The following B3GALT1 variants were observed in gnomAD, a reference collection of about 807,000 sequenced individuals.
The protein encoded by B3GALT1 is UDP-Gal:betaGlcNAc beta 1,3-galactosyltransferase, polypeptide 1.
A neutral mutation model predicts 23.2 loss-of-function variants in B3GALT1; 10 were observed. The ratio of observed to expected loss-of-function variants is 0.43; its 90% CI spans 0.27 to 0.73. The LOEUF is 0.73. Among genes scored for constraint, B3GALT1 ranks in the 30% least tolerant of loss-of-function variants. The pLI, the probability that B3GALT1 is intolerant of heterozygous loss-of-function variation, is 0.21. For missense variants in B3GALT1, 299 were observed against 405.4 expected (o/e 0.74, Z 2.25); for synonymous variants, 156 against 141.5 (o/e 1.10, Z -0.73).
chr2:167,448,048 A>G (rs984509579), intron 1 of B3GALT1, among the ~76,000 whole-genome samples: 6 of 152,108 alleles, frequency 3.9e-5, no homozygotes, highest in African/African-American at 1.2e-4. Context: ...AGCTGCTTCC[A>G]TGTTTTTGCA....
chr2:167,655,489 T>G (rs887544641), intron 3 of B3GALT1, among the ~76,000 whole-genome samples: 2 of 152,156 alleles, frequency 1.3e-5, no homozygotes, highest in Non-Finnish European at 2.9e-5. Context: ...ATCAACATCT[T>G]GTTACATGTA....
intron 1 of B3GALT1, among the ~76,000 whole-genome samples, chr2:167,363,552 G>T (rs1344870791): frequency 6.6e-6 from 1 of 152,000 alleles, no homozygotes; most frequent in Non-Finnish European, 1.5e-5. Flanking sequence ...ATTTCACAAG[G>T]AGTGGCTCAC....
At chr2:167,383,891 G>A (rs115089513) in intron 1 of B3GALT1, among the ~76,000 whole-genome samples, 1,615 of 152,212 alleles carry the variant, frequency 0.011, 29 homozygotes, top group African/African-American at 0.036. Context: ...TATGATTAAC[G>A]TTTTATATTT....
At chr2:167,506,116 A>G (rs954143003) in intron 2 of B3GALT1, among the ~76,000 whole-genome samples, 5 of 152,078 alleles carry the variant, frequency 3.3e-5, no homozygotes, top group Admixed American at 3.3e-4. Context: ...ACACAACTCT[A>G]TGATGTCTTT....
chr2:167,806,660 T>A (rs900333216), intron 3 of B3GALT1, among the ~76,000 whole-genome samples: 1 of 152,240 alleles, frequency 6.6e-6, no homozygotes, highest in Non-Finnish European at 1.5e-5. Context: ...ATCCCAGGGA[T>A]GAAACCCACT....
Position 167,478,734 on chromosome 2 carries a change from A to G in B3GALT1, c.-510-11443A>G, listed in dbSNP as rs561432242. The stretch of plus-strand genomic sequence containing the variant: ...GTCCCTCCTCCCCCCACCCCATGAT[A>G]GGCCCCGGTGTGTGATGTTCCCCAC... On this transcript the variant is annotated intron_variant, in intron 1 of 4. Transcript: ENST00000392690. 8.0e-5 allele frequency among the ~76,000 whole-genome samples: 12 copies of G among 149,942 alleles called. No homozygotes were observed. In the South Asian group the frequency reaches 2.5e-3, roughly 32 times the overall value.
At chr2:167,812,224 C>T (rs1301598185) in intron 3 of B3GALT1, among the ~76,000 whole-genome samples, 2 of 152,202 alleles carry the variant, frequency 1.3e-5, no homozygotes, top group African/African-American at 2.4e-5. Flanking sequence ...ACATTGTTTG[C>T]AAGATATGCT....
At chr2:167,619,109 G>A (rs1685213517) in intron 2 of B3GALT1, among the ~76,000 whole-genome samples, 2 of 151,436 alleles carry the variant, frequency 1.3e-5, no homozygotes, top group Non-Finnish European at 2.9e-5. Context: ...TTATTAGTTG[G>A]CATTCTTCCA....
At chr2:167,489,880 C>A (rs114386029) in intron 1 of B3GALT1, among the ~76,000 whole-genome samples, 1,766 of 152,104 alleles carry the variant, frequency 0.012, 34 homozygotes, top group African/African-American at 0.041. Context: ...GGAAAGTAAG[C>A]AAATAATTGT....
chr2:167,329,059 T>A, intron 1 of B3GALT1, among the ~76,000 whole-genome samples: 1 of 152,118 alleles, frequency 6.6e-6, no homozygotes, highest in East Asian at 1.9e-4. Flanking sequence ...GTGATCCACC[T>A]ACCTCGGCCT....
intron 3 of B3GALT1, among the ~76,000 whole-genome samples, chr2:167,666,397 G>C: frequency 6.6e-6 from 1 of 152,068 alleles, no homozygotes; most frequent in East Asian, 1.9e-4. Context: ...GAATAGGTGT[G>C]GTGTGGTGCT....
intron 1 of B3GALT1, among the ~76,000 whole-genome samples, chr2:167,346,536 T>G (rs1334925153): frequency 6.6e-6 from 1 of 152,132 alleles, no homozygotes; most frequent in Non-Finnish European, 1.5e-5. Context: ...AATGCAAAGT[T>G]AAGGAGATTT....
intron 2 of B3GALT1, among the ~76,000 whole-genome samples, chr2:167,561,578 AAG>A (rs1212262792): frequency 6.6e-6 from 1 of 152,184 alleles, no homozygotes; most frequent in Non-Finnish European, 1.5e-5. Context: ...TGAAGAAAAA[AAG>A]AGAGAAGAAT....
intron 2 of B3GALT1, among the ~76,000 whole-genome samples, chr2:167,512,334 T>C (rs1700017865): frequency 6.6e-6 from 1 of 151,402 alleles, no homozygotes; most frequent in Non-Finnish European, 1.5e-5. Context: ...AATTCTTATA[T>C]GTCTATTGAG....
intron 3 of B3GALT1, among the ~76,000 whole-genome samples, chr2:167,698,319 T>C (rs1450742082): frequency 6.6e-6 from 1 of 152,212 alleles, no homozygotes; most frequent in South Asian, 2.1e-4. Context: ...ATAAACTTAG[T>C]GAGGAAAAGA....
At chr2:167,429,661 TG>T (rs1269497306) in intron 1 of B3GALT1, among the ~76,000 whole-genome samples, 1 of 152,196 alleles carries the variant, frequency 6.6e-6, no homozygotes, top group African/African-American at 2.4e-5. Context: ...GCAAAGGCTT[TG>T]AGGATGAAGA....
At chr2:167,564,961 C>A (rs1684126923) in intron 2 of B3GALT1, among the ~76,000 whole-genome samples, 1 of 152,162 alleles carries the variant, frequency 6.6e-6, no homozygotes, top group South Asian at 2.1e-4. Flanking sequence ...CATGCCATCC[C>A]TATCAAGCTA....
chr2:167,562,921 C>A (rs1253874773), intron 2 of B3GALT1, among the ~76,000 whole-genome samples: 1 of 152,098 alleles, frequency 6.6e-6, no homozygotes, highest in African/African-American at 2.4e-5. Context: ...ATCCATTCAA[C>A]CCTGAGTGGA....
intron 3 of B3GALT1, chr2:167,715,450 C>CG: frequency 6.2e-7 from 1 of 1,606,650 alleles, no homozygotes; most frequent in African/African-American, 1.3e-5. Flanking sequence ...TTATTGCTAT[C>CG]GCCCGTCGTT....
Sources: gnomAD v4.1 joint callset for allele counts (sites outside exome capture counted in the v4.1 genomes callset) on GRCh38, gnomAD v4.1.1 for gene constraint, MANE v1.5 for transcripts, NCBI Gene and HGNC (gene_info 2026-07-23, HGNC 2026-07-21) for gene names.